The following HEPHL1 variants were observed in gnomAD, a reference collection of about 807,000 sequenced individuals.
HEPHL1 encodes the protein hephaestin like 1, also known as ferroxidase HEPHL1.
Under a neutral mutation model 122.0 loss-of-function variants are expected in HEPHL1, and 123 were observed. The ratio of observed to expected loss-of-function variants is 1.01; its 90% CI spans 0.87 to 1.17. HEPHL1 has a LOEUF of 1.17. Ranked by LOEUF, HEPHL1 falls within the 50% of genes most tolerant of loss-of-function variation. The probability of loss-of-function intolerance (pLI) is 0.00; values close to 1 mark genes in which losing one functional copy is unlikely to be tolerated. For missense variants in HEPHL1, 1,452 were observed against 1,430.5 expected, an observed-to-expected ratio of 1.01 and a Z score of -0.24; for synonymous variants, 527 against 508.9, an observed-to-expected ratio of 1.04 and a Z score of -0.48.
chr11:94,098,454 T>C (rs756180775), intron 13 of HEPHL1, among the ~76,000 whole-genome samples: 89 of 152,246 alleles, frequency 5.8e-4, no homozygotes, highest in Non-Finnish European at 1.1e-3. Flanking sequence ...CATTTTTTCC[T>C]TCATTTCAGC....
intron 9 of HEPHL1, among the ~76,000 whole-genome samples, chr11:94,076,157 A>C (rs955673140): frequency 2.0e-5 from 3 of 152,154 alleles, no homozygotes; most frequent in African/African-American, 7.2e-5. Context: ...TCTTGATCCT[A>C]TTTGGATTTT....
chr11:94,031,705 C>T (rs1945677318), intron 1 of HEPHL1, among the ~76,000 whole-genome samples: 1 of 152,208 alleles, frequency 6.6e-6, no homozygotes. Flanking sequence ...TCTAGTCAGG[C>T]CCATCTCTGG....
chr11:94,063,761 T>G (rs774217669), intron 3 of HEPHL1, 41 bp downstream of exon 3: 1 of 1,540,830 alleles, frequency 6.5e-7, no homozygotes, highest in Admixed American at 1.7e-5. Context: ...AGTTGAAATG[T>G]GAATAAGATT....
intron 6 of HEPHL1, among the ~76,000 whole-genome samples, chr11:94,071,327 T>C (rs908365462): frequency 9.4e-5 from 7 of 74,328 alleles, no homozygotes; most frequent in African/African-American, 2.8e-4. Flanking sequence ...TCTTTAATTG[T>C]ACATTTTATT....
chr11:94,055,996 G>A (rs117835130), intron 2 of HEPHL1: 666 of 918,300 alleles, frequency 7.3e-4, no homozygotes, highest in Non-Finnish European at 9.7e-4. Context: ...GGACCCTTTC[G>A]CAGCCAGCTT....
intron 4 of HEPHL1, 61 bp downstream of exon 4, chr11:94,064,571 G>A (rs1304385686): frequency 1.7e-6 from 2 of 1,145,478 alleles, no homozygotes; most frequent in East Asian, 2.4e-5. Flanking sequence ...GGTACTACAA[G>A]GGATAAAAAA....
chr11:94,035,858 T>C (rs1237624758), intron 1 of HEPHL1, among the ~76,000 whole-genome samples: 1 of 152,202 alleles, frequency 6.6e-6, no homozygotes, highest in African/African-American at 2.4e-5. Context: ...TGACTCAGCC[T>C]CCTGAGTAGC....
intron 17 of HEPHL1, among the ~76,000 whole-genome samples, chr11:94,108,483 C>T (rs1393007886): frequency 6.6e-6 from 1 of 151,800 alleles, no homozygotes; most frequent in South Asian, 2.1e-4. Context: ...AAATTTTGGC[C>T]TTACTGAAGG....
intron 2 of HEPHL1, among the ~76,000 whole-genome samples, chr11:94,057,713 A>G (rs4753531): frequency 0.59 from 90,008 of 151,946 alleles, 26,797 homozygotes; most frequent in South Asian, 0.68. Context: ...TTGTTTGAAC[A>G]TATTTATTAT....
At chr11:94,085,848 C>A in intron 10 of HEPHL1, 129 bp from the exon 11 acceptor site, 1 of 644,534 alleles carries the variant, frequency 1.6e-6, no homozygotes, top group Non-Finnish European at 2.7e-6. Context: ...AGTGGATTCA[C>A]CATGTGGCTT....
chr11:94,029,783 C>T (rs1419378450), intron 1 of HEPHL1, among the ~76,000 whole-genome samples: 1 of 152,122 alleles, frequency 6.6e-6, no homozygotes, highest in Non-Finnish European at 1.5e-5. Context: ...ATGAAGCATA[C>T]CATAAGTGCT....
chr11:94,083,036 C>T (rs1299384222), intron 10 of HEPHL1, among the ~76,000 whole-genome samples: 1 of 150,124 alleles, frequency 6.7e-6, no homozygotes, highest in East Asian at 2.0e-4. Flanking sequence ...TGCAGTGAGC[C>T]AAGTTCGTGC....
Position 94,075,213 on chromosome 11 carries a change from C to G in HEPHL1, c.1544C>G (p.Thr515Ser). 6.2e-7 allele frequency: 1 copy of G among 1,613,342 alleles called. No homozygotes were observed. Among genetic ancestry groups the G allele is most frequent in the South Asian group, 1.1e-5 (1 of 91,034 alleles). The change falls in exon 9 of 20, where the codon ACC becomes AGC. Residue 515 changes from threonine to serine, a missense_variant. By Grantham distance (58) the Thr-to-Ser change is moderately conservative. Coordinates refer to ENST00000315765, the MANE Select transcript of HEPHL1 (RefSeq NM_001098672.2). ...KPGAHVKPGE[T>S]FTYKWTVPES... is the part of the protein sequence containing the mutation. ...GGGGCGCATGTTAAACCAGGTGAAA[C>G]CTTCACATACAAGTGGACAGTGCCT... is the stretch of plus-strand genomic sequence containing the variant.
chr11:94,098,678 A>G (rs1028144245), intron 13 of HEPHL1, among the ~76,000 whole-genome samples: 71 of 152,312 alleles, frequency 4.7e-4, no homozygotes, highest in African/African-American at 1.5e-3. Flanking sequence ...GTCTTTTCAC[A>G]TAGTCCTATA....
chr11:94,045,640 T>A, intron 1 of HEPHL1, 33 bp from the exon 2 acceptor site: 1 of 1,536,772 alleles, frequency 6.5e-7, no homozygotes, highest in East Asian at 2.4e-5. Context: ...CTCTTTTCAT[T>A]TCAATTAAAA....
chr11:94,052,815 A>G (rs979754573), intron 2 of HEPHL1, among the ~76,000 whole-genome samples: 8 of 152,162 alleles, frequency 5.3e-5, no homozygotes, highest in African/African-American at 1.7e-4. Context: ...CCTGGCAATC[A>G]TGGGATAAAT....
chr11:94,079,197 TG>T (rs1946149529), intron 9 of HEPHL1, among the ~76,000 whole-genome samples: 1 of 152,154 alleles, frequency 6.6e-6, no homozygotes, highest in Non-Finnish European at 1.5e-5. Context: ...AAACATGATG[TG>T]GGGACTCCTA....
At chr11:94,049,887 G>T (rs1043747842) in intron 2 of HEPHL1, among the ~76,000 whole-genome samples, 1 of 152,048 alleles carries the variant, frequency 6.6e-6, no homozygotes, top group South Asian at 2.1e-4. Flanking sequence ...CTAGGATTTT[G>T]ATAGCAGTCG....
At chr11:94,042,771 T>C (rs1945794426) in intron 1 of HEPHL1, among the ~76,000 whole-genome samples, 2 of 144,466 alleles carry the variant, frequency 1.4e-5, no homozygotes, top group South Asian at 4.6e-4. Context: ...ATATACCTAA[T>C]GCTAGATGAC....
Sources: allele counts gnomAD v4.1 joint callset (sites outside exome capture counted in the v4.1 genomes callset), GRCh38; gene constraint gnomAD v4.1.1; transcripts MANE v1.5; gene names NCBI Gene and HGNC (gene_info 2026-07-23, HGNC 2026-07-21).